NAALADL2: variants seen among roughly 807,000 people sequenced by gnomAD.
NAALADL2 encodes inactive N-acetylated-alpha-linked acidic dipeptidase-like protein 2.
Under a neutral mutation model 87.2 loss-of-function variants are expected in NAALADL2, and 76 were observed. The observed-to-expected ratio is 0.87, with a 90% CI of 0.72 to 1.05. The LOEUF is 1.05. Among genes scored for constraint, NAALADL2 ranks in the 50% least tolerant of loss-of-function variants. The pLI, the probability that NAALADL2 is intolerant of heterozygous loss-of-function variation, is 0.00. For missense variants in NAALADL2, 1,089 were observed against 945.8 expected (o/e 1.15, Z -1.99); for synonymous variants, 354 against 331.0 (o/e 1.07, Z -0.75).
intron 1 of NAALADL2, among the ~76,000 whole-genome samples, chr3:175,051,570 G>A (rs752058199): frequency 6.6e-6 from 1 of 152,168 alleles, no homozygotes; most frequent in African/African-American, 2.4e-5. Context: ...CTTCTTCAAG[G>A]TCAGCAGAAG....
At position 175,648,512 on chromosome 3, in the gene NAALADL2, T is replaced by G. The variant is rs1730325952; in HGVS notation, c.1896+21126T>G. ...ATTTTCTTTTTTTTTTTTTTTGCTT[T>G]CTTCCCTATTTTAATGACTGTTGAA... On this transcript the variant is annotated intron_variant, in intron 11 of 13. Coordinates refer to ENST00000454872, the MANE Select transcript of NAALADL2 (RefSeq NM_207015.3). 2.0e-5 allele frequency among the ~76,000 whole-genome samples: 3 copies of G among 151,694 alleles called. No homozygotes were observed. In the South Asian group the frequency reaches 6.2e-4, roughly 31 times the overall value.
At chr3:175,229,002 A>G (rs1744559833) in intron 2 of NAALADL2, among the ~76,000 whole-genome samples, 1 of 151,956 alleles carries the variant, frequency 6.6e-6, no homozygotes, top group South Asian at 2.1e-4. Flanking sequence ...AACGTAATCC[A>G]CCAAATTAAA....
chr3:174,610,618 A>C (rs1488366366), intron 2 of NAALADL2, among the ~76,000 whole-genome samples: 1 of 152,064 alleles, frequency 6.6e-6, no homozygotes, highest in East Asian at 1.9e-4. Flanking sequence ...ACAATGAGAT[A>C]CCATCTCACA....
chr3:175,563,407 GT>G (rs149231654), intron 9 of NAALADL2, among the ~76,000 whole-genome samples: 14 of 152,202 alleles, frequency 9.2e-5, no homozygotes, highest in African/African-American at 2.9e-4. Context: ...AAGAAAGAAT[GT>G]TTTTTAGAAT....
At chr3:174,628,728 CT>C (rs1205678749) in intron 2 of NAALADL2, among the ~76,000 whole-genome samples, 2 of 152,060 alleles carry the variant, frequency 1.3e-5, no homozygotes, top group South Asian at 2.1e-4. Flanking sequence ...GAGTTAACCA[CT>C]TTTTTTGTGC....
At chr3:175,559,491 T>A (rs1715910209) in intron 9 of NAALADL2, among the ~76,000 whole-genome samples, 1 of 152,174 alleles carries the variant, frequency 6.6e-6, no homozygotes, top group Non-Finnish European at 1.5e-5. Context: ...AAAACAATGC[T>A]GAACATAGGC....
intron 1 of NAALADL2, among the ~76,000 whole-genome samples, chr3:175,084,954 A>G (rs964616850): frequency 3.9e-5 from 6 of 152,312 alleles, no homozygotes; most frequent in African/African-American, 4.8e-5. Flanking sequence ...GTGAGTTCAT[A>G]TCTTCTCCCT....
chr3:174,660,061 TAGA>T (rs1337944732), intron 2 of NAALADL2, among the ~76,000 whole-genome samples: 1 of 152,130 alleles, frequency 6.6e-6, no homozygotes, highest in Non-Finnish European at 1.5e-5. Context: ...AAAAAGACAA[TAGA>T]AGAATGTGTG....
chr3:175,160,924 A>G (rs1733107065), intron 2 of NAALADL2, among the ~76,000 whole-genome samples: 1 of 150,762 alleles, frequency 6.6e-6, no homozygotes, highest in Admixed American at 6.6e-5. Context: ...GTATCAGTAT[A>G]TTTGTATTTG....
At chr3:174,853,376 CA>C (rs55826352) in intron 3 of NAALADL2, among the ~76,000 whole-genome samples, 11,912 of 82,324 alleles carry the variant, frequency 0.14, 480 homozygotes, top group Middle Eastern at 0.21. Flanking sequence ...GACTCAATCT[CA>C]AAAAAAAAAA....
chr3:174,703,328 G>A (rs970389575), intron 2 of NAALADL2, among the ~76,000 whole-genome samples: 38 of 151,022 alleles, frequency 2.5e-4, no homozygotes, highest in African/African-American at 8.8e-4. Flanking sequence ...TGTAGAGAAG[G>A]GGTCTCACTA....
chr3:175,433,034 A>G (rs1452246816), intron 5 of NAALADL2, among the ~76,000 whole-genome samples: 1 of 151,878 alleles, frequency 6.6e-6, no homozygotes, highest in Admixed American at 6.6e-5. Context: ...CGGCTACTTT[A>G]TCTCTTTCAT....
intron 11 of NAALADL2, among the ~76,000 whole-genome samples, chr3:175,722,048 C>A (rs748173536): frequency 2.6e-5 from 4 of 152,008 alleles, no homozygotes; most frequent in Non-Finnish European, 4.4e-5. Context: ...AATTTGGATT[C>A]TATTTCTCGC....
rs142606445 is a variant in NAALADL2 at position 175,356,205 on chromosome 3, C to T, written c.1090+31880C>T. On this transcript the variant is annotated intron_variant, in intron 5 of 13. Coordinates refer to ENST00000454872, the MANE Select transcript of NAALADL2 (RefSeq NM_207015.3). ...AGAGGAAAAAGAAAGTCTTTAAGTC[C>T]CTTGAGGTATAGTTCAACAGAACTC... 1.4e-3 allele frequency among the ~76,000 whole-genome samples: 215 copies of T among 152,042 alleles called. 1 individual carries two copies. Among genetic ancestry groups the T allele is most frequent in the African/African-American group, 4.8e-3 (201 of 41,466 alleles).
chr3:174,478,489 A>C (rs112575895), intron 1 of NAALADL2, among the ~76,000 whole-genome samples: 2 of 152,076 alleles, frequency 1.3e-5, no homozygotes, highest in African/African-American at 4.8e-5. Context: ...CAGTATTAGA[A>C]ATCAGATTTA....
intron 2 of NAALADL2, among the ~76,000 whole-genome samples, chr3:174,592,007 A>G (rs1301860190): frequency 2.6e-5 from 4 of 152,104 alleles, no homozygotes; most frequent in African/African-American, 9.7e-5. Context: ...TTGTTGCTTT[A>G]ATAACAGGCT....
chr3:174,648,360 T>G (rs1578421045), intron 2 of NAALADL2, among the ~76,000 whole-genome samples: 1 of 151,974 alleles, frequency 6.6e-6, no homozygotes, highest in Non-Finnish European at 1.5e-5. Context: ...AAACAAACCT[T>G]TGTCATAGCT....
At chr3:175,160,086 A>G (rs1732926949) in intron 2 of NAALADL2, among the ~76,000 whole-genome samples, 1 of 147,354 alleles carries the variant, frequency 6.8e-6, no homozygotes, top group Non-Finnish European at 1.5e-5. Context: ...TAATCCACCC[A>G]CCTCAGCCTC....
At chr3:175,765,068 G>GA (rs1288084286) in intron 13 of NAALADL2, among the ~76,000 whole-genome samples, 5 of 151,390 alleles carry the variant, frequency 3.3e-5, no homozygotes, top group Admixed American at 2.6e-4. Flanking sequence ...TTTAGACTAT[G>GA]AAAAAAAACA....
Sources: gnomAD v4.1 joint callset for allele counts (sites outside exome capture counted in the v4.1 genomes callset) on GRCh38, gnomAD v4.1.1 for gene constraint, MANE v1.5 for transcripts, NCBI Gene and HGNC (gene_info 2026-07-23, HGNC 2026-07-21) for gene names.